Variants in TTK observed in about 807,000 individuals in gnomAD.
TTK encodes TTK protein kinase.
In TTK, 59 loss-of-function variants were observed where a neutral mutation model predicts 117.3. The ratio of observed to expected loss-of-function variants is 0.50; its 90% CI spans 0.41 to 0.62. The LOEUF is 0.62. Among genes scored for constraint, TTK ranks in the 20% least tolerant of loss-of-function variants. The pLI is 0.00. For missense variants in TTK, 921 were observed against 989.4 expected, an observed-to-expected ratio of 0.93 and a Z score of 0.93; for synonymous variants, 302 against 325.0, an observed-to-expected ratio of 0.93 and a Z score of 0.76.
chr6:80,030,863 T>C (rs1362028866), intron 13 of TTK, among the ~76,000 whole-genome samples: 1 of 152,054 alleles, frequency 6.6e-6, no homozygotes, highest in Non-Finnish European at 1.5e-5. Context: ...GCTTCCTTTA[T>C]AATATAACGC....
chr6:80,026,304 A>G, intron 11 of TTK, 74 bp from the exon 12 acceptor site: 2 of 1,460,036 alleles, frequency 1.4e-6, no homozygotes, highest in Non-Finnish European at 1.9e-6. Flanking sequence ...TTTAAAAGTT[A>G]TAATATTTGT....
At chr6:80,025,531 G>C (rs1398443051) in intron 11 of TTK, among the ~76,000 whole-genome samples, 1 of 152,166 alleles carries the variant, frequency 6.6e-6, no homozygotes, top group Non-Finnish European at 1.5e-5. Flanking sequence ...GTTACTAAAA[G>C]TATTCAAGCA....
chr6:80,022,971 A>G (rs1433293886), intron 11 of TTK, among the ~76,000 whole-genome samples: 3 of 152,230 alleles, frequency 2.0e-5, no homozygotes, highest in Admixed American at 6.5e-5. Context: ...ATTGATAAAA[A>G]TAGAAAAATA....
intron 16 of TTK, among the ~76,000 whole-genome samples, chr6:80,035,626 C>T (rs975714644): frequency 7.9e-5 from 12 of 152,118 alleles, no homozygotes; most frequent in Non-Finnish European, 1.2e-4. Context: ...ACTCAAGTTC[C>T]GACATCTGTA....
intron 14 of TTK, 92 bp from the exon 15 acceptor site, chr6:80,034,893 T>A: frequency 8.7e-7 from 1 of 1,145,936 alleles, no homozygotes; most frequent in African/African-American, 1.6e-5. Flanking sequence ...TCCTTTAGAA[T>A]TTTCTCAACC....
In TTK at chr6:80,040,586, A is replaced by G. The variant is rs750333815; in HGVS notation, c.2393-20A>G. 28 of 1,600,822 alleles carry G rather than the reference A, an allele frequency of 1.7e-5. No homozygotes were observed. The highest frequency in any genetic ancestry group is 5.5e-5 in the South Asian group (5 of 90,112). ...ATATTTTTCTTACTGGTACTAGTGT[A>G]TTATTGATTTATTTTATAGTTAACC... On this transcript the variant is annotated intron_variant, in intron 20 of 21. Transcript: ENST00000369798.
At chr6:80,032,676 A>AG (rs1166457250) in intron 14 of TTK, among the ~76,000 whole-genome samples, 2 of 152,178 alleles carry the variant, frequency 1.3e-5, no homozygotes, top group Admixed American at 6.5e-5. Context: ...ACACATATCT[A>AG]GCCAATCAGC....
chr6:80,031,663 G>A lies in TTK; in HGVS notation c.1614+104G>A, dbSNP rs560265063. On this transcript the variant is annotated intron_variant, in intron 14 of 21. Coordinates refer to ENST00000369798, the MANE Select transcript of TTK (RefSeq NM_003318.5). The stretch of plus-strand genomic sequence containing the variant: ...CTGCTTTTCCTTTACTTCTAGGGGC[G>A]ATGCTGCCCTTGAGCCAAAAAGCCA... The A allele has an allele frequency of 6.7e-4, 538 of 799,974 alleles. 13 individuals are homozygous for A. In the South Asian group the frequency reaches 0.01, roughly 15 times the overall value. 49.6% of individuals were successfully genotyped at this position (799,974 alleles called of 1,614,324 possible).
chr6:80,007,556 CACTT>C (rs1172726293), intron 2 of TTK, among the ~76,000 whole-genome samples: 14 of 152,158 alleles, frequency 9.2e-5, no homozygotes, highest in Middle Eastern at 3.4e-3. Context: ...CAAAAAAACT[CACTT>C]ATTTCCAAAT....
chr6:80,040,606 T>C lies in TTK; in HGVS notation c.2393T>C (p.Val798Ala). The change falls in exon 21 of 22, where the codon GTT becomes GCT. Residue 798 changes from valine (V) to alanine (A), a missense_variant and splice_region_variant. By Grantham distance (64) the Val-to-Ala change is moderately conservative. Transcript: ENST00000369798. Reference sequence around the variant, plus strand: ...AGTGTATTATTGATTTATTTTATAGTTAACCAAATGGCCAAGGGAACCACT... The same window carrying C: ...AGTGTATTATTGATTTATTTTATAGCTAACCAAATGGCCAAGGGAACCACT... ...HPYVQIQTHP[V>A]NQMAKGTTEE... 1 of 1,610,932 alleles carries C rather than the reference T, an allele frequency of 6.2e-7. No individual in the cohort carries two copies. The highest frequency in any genetic ancestry group is 8.5e-7 in the Non-Finnish European group (1 of 1,178,236).
Position 80,037,964 on chromosome 6 carries a change from T to A in TTK, c.2050-3T>A. 2 of 1,566,816 alleles carry A rather than the reference T, an allele frequency of 1.3e-6. No homozygotes were observed. The highest frequency in any genetic ancestry group is 1.7e-6 in the Non-Finnish European group (2 of 1,156,612). On this transcript the variant is annotated splice_polypyrimidine_tract_variant and splice_region_variant and intron_variant, in intron 17 of 21. Transcript: ENST00000369798. ...TTTGTGTTTTCTCTGACTTGGCATA[T>A]AGGTTGGCACAGTTAATTATATGCC...
chr6:80,033,415 A>G (rs1333016315), intron 14 of TTK, among the ~76,000 whole-genome samples: 6 of 152,012 alleles, frequency 3.9e-5, no homozygotes, highest in African/African-American at 1.4e-4. Context: ...TCTGTATCTT[A>G]CCTTCTAACA....
Position 80,042,245 on chromosome 6 carries a change from T to C in TTK, c.*43T>C. On this transcript the variant is annotated 3_prime_UTR_variant, in exon 22 of 22. Transcript: ENST00000369798. Reference sequence around the variant, plus strand: ...TGTCAGATACCACCTATAAAATATATTGGACTGTTATACTCTTGAATCCCT... The same window carrying C: ...TGTCAGATACCACCTATAAAATATACTGGACTGTTATACTCTTGAATCCCT... 6.8e-7 allele frequency: 1 copy of C among 1,472,586 alleles called. No individual in the cohort carries two copies. The highest frequency in any genetic ancestry group is 9.4e-7 in the Non-Finnish European group (1 of 1,063,324). The allele number at this position is 1,472,586 out of a possible 1,614,324, so 91.2% of individuals were successfully genotyped here. A position where few individuals can be genotyped will look rare whatever the true frequency, so the allele number is the denominator to read the frequency against.
At chr6:80,018,314 T>G (rs1412247179) in intron 10 of TTK, among the ~76,000 whole-genome samples, 1 of 152,128 alleles carries the variant, frequency 6.6e-6, no homozygotes, top group African/African-American at 2.4e-5. Context: ...TACACAGTTA[T>G]GTTTGAAAAT....
intron 2 of TTK, 28 bp from the exon 3 acceptor site, chr6:80,007,781 T>A (rs1767032603): frequency 6.4e-7 from 1 of 1,560,912 alleles, no homozygotes; most frequent in Admixed American, 1.9e-5. Context: ...TGTCTTTTCT[T>A]GTGATATATT....
At chr6:80,025,421 A>G (rs1025467964) in intron 11 of TTK, among the ~76,000 whole-genome samples, 1 of 152,240 alleles carries the variant, frequency 6.6e-6, no homozygotes, top group African/African-American at 2.4e-5. Context: ...TTGAAATTAT[A>G]ATAGATAAAC....
chr6:80,013,164 T>A (rs1326016306), intron 8 of TTK, 115 bp from the exon 9 acceptor site: 2 of 816,346 alleles, frequency 2.4e-6, no homozygotes, highest in East Asian at 5.9e-5. Flanking sequence ...TTTAAGAGAT[T>A]TTTTTCAATA....
chr6:80,014,410 G>C (rs1035974851), intron 9 of TTK, 53 bp from the exon 10 acceptor site: 1 of 1,510,558 alleles, frequency 6.6e-7, no homozygotes. Context: ...CAGTAAGACA[G>C]ATTAGTAGTA....
At chr6:80,008,143 AC>A in intron 3 of TTK, 112 bp downstream of exon 3, 1 of 1,290,484 alleles carries the variant, frequency 7.7e-7, no homozygotes, top group Non-Finnish European at 1.0e-6. Flanking sequence ...TAATTTTTTT[AC>A]CAAATACTTT....
Sources: allele counts gnomAD v4.1 joint callset (sites outside exome capture counted in the v4.1 genomes callset), GRCh38; gene constraint gnomAD v4.1.1; transcripts MANE v1.5; gene names NCBI Gene and HGNC (gene_info 2026-07-23, HGNC 2026-07-21).